The following MAST2 variants were observed in gnomAD, a reference collection of about 807,000 sequenced individuals.
MAST2 encodes the protein microtubule associated serine/threonine kinase 2.
A neutral mutation model predicts 147.4 loss-of-function variants in MAST2; 70 were observed. The ratio of observed to expected loss-of-function variants is 0.47; its 90% CI spans 0.39 to 0.58. The LOEUF (loss-of-function observed/expected upper bound fraction) is 0.58, where lower values mean the gene tolerates loss of function less well. MAST2 is among the 20% of genes least tolerant of loss of function. The pLI is 0.00. For synonymous variants in MAST2, 869 were observed against 896.8 expected (o/e 0.97, Z 0.55); for missense variants, 2,080 against 2,302.3 (o/e 0.90, Z 1.98).
intron 4 of MAST2, among the ~76,000 whole-genome samples, chr1:45,934,301 G>A (rs962919350): frequency 6.6e-6 from 1 of 152,160 alleles, no homozygotes; most frequent in Non-Finnish European, 1.5e-5. Flanking sequence ...TAGCTAACAC[G>A]GTGAAACCCC....
chr1:45,896,025 A>G (rs1466347609), intron 4 of MAST2, among the ~76,000 whole-genome samples: 1 of 148,810 alleles, frequency 6.7e-6, no homozygotes, highest in Admixed American at 6.9e-5. Flanking sequence ...ACTTTCTTGA[A>G]TGACTATATT....
intron 10 of MAST2, among the ~76,000 whole-genome samples, chr1:46,017,360 A>T (rs2149268217): frequency 6.6e-6 from 1 of 152,346 alleles, no homozygotes; most frequent in South Asian, 2.1e-4. Flanking sequence ...CTGCACAGCA[A>T]AAGAAACTAC....
chr1:46,027,043 G>T (rs1010847310), intron 16 of MAST2, among the ~76,000 whole-genome samples: 1 of 152,194 alleles, frequency 6.6e-6, no homozygotes, highest in Non-Finnish European at 1.5e-5. Context: ...CTGAGGAGGG[G>T]AACCAGTTGG....
intron 1 of MAST2, among the ~76,000 whole-genome samples, chr1:45,808,704 C>T (rs1644209573): frequency 6.6e-6 from 1 of 152,272 alleles, no homozygotes; most frequent in South Asian, 2.1e-4. Flanking sequence ...CTCTTAACCT[C>T]TAATATATTT....
chr1:45,930,040 A>G (rs967654405), intron 4 of MAST2, among the ~76,000 whole-genome samples: 6 of 152,198 alleles, frequency 3.9e-5, no homozygotes, highest in Middle Eastern at 3.2e-3. Flanking sequence ...AAAAAATGGT[A>G]TCTCAATGTA....
At position 46,035,413 on chromosome 1, in the gene MAST2, A is replaced by T; in HGVS notation, c.4744A>T (p.Arg1582Trp). 1.9e-6 allele frequency: 3 copies of T among 1,612,450 alleles called. No homozygotes were observed. The highest frequency in any genetic ancestry group is 2.5e-6 in the Non-Finnish European group (3 of 1,179,574). ...GGAAAGTCCCAGTGGTCCCCACAGGAGGCTCGGGAGCCCACAAGCCATTGA... is the reference window on the plus strand; with the variant it reads ...GGAAAGTCCCAGTGGTCCCCACAGGTGGCTCGGGAGCCCACAAGCCATTGA... ...RMESPSGPHRRLGSPQAIEEA... is the reference protein window; with the variant it reads ...RMESPSGPHRWLGSPQAIEEA... The change falls in exon 29 of 29, where the codon AGG (arginine) becomes TGG (tryptophan). Residue 1582 changes from arginine (R) to tryptophan (W), a missense_variant. By Grantham distance (101) the Arg-to-Trp change is moderately radical. Around this residue, in one of 4 missense-constraint regions of MAST2, gnomAD observed 1,278 missense variants for 1,304.2 expected, o/e 0.98. Coordinates refer to ENST00000361297, the MANE Select transcript of MAST2 (RefSeq NM_015112.3). The surrounding 1 kb of genome is among the most constrained non-coding windows in gnomAD (Gnocchi z 5.5).
chr1:45,862,319 G>C (rs1035120889), intron 3 of MAST2, among the ~76,000 whole-genome samples: 10 of 152,148 alleles, frequency 6.6e-5, no homozygotes, highest in African/African-American at 2.4e-4. Flanking sequence ...TTGAGGTGGG[G>C]AAAGATGGGG....
intron 1 of MAST2, among the ~76,000 whole-genome samples, chr1:45,818,494 ATTAT>A (rs1644523692): frequency 6.6e-6 from 1 of 152,130 alleles, no homozygotes; most frequent in African/African-American, 2.4e-5. Context: ...CAAAATGATG[ATTAT>A]TTGATTTTCA....
At position 45,840,032 on chromosome 1, in the gene MAST2, A is replaced by G. The variant is rs75548783; in HGVS notation, c.468+10451A>G. On this transcript the variant is annotated intron_variant, in intron 3 of 28. Transcript: ENST00000361297. ...CATAAAATGTGTAGAGGAAAACGAG[A>G]AAATTTTTGTGATTTTAGGTGGGGC... Among the ~76,000 whole-genome samples the G allele has an allele frequency of 3.0e-3, 461 of 152,358 alleles. 3 individuals carry two copies. Among genetic ancestry groups the G allele is most frequent in the East Asian group, 0.022 (115 of 5,188 alleles).
intron 9 of MAST2, 50 bp from the exon 10 acceptor site, chr1:46,010,680 A>G (rs1247917895): frequency 7.8e-6 from 12 of 1,544,088 alleles, no homozygotes; most frequent in African/African-American, 5.4e-5. Flanking sequence ...CTTAGCTCCA[A>G]CTGAGCTGGA....
chr1:45,875,716 G>C (rs1646577713), intron 3 of MAST2, among the ~76,000 whole-genome samples: 1 of 151,978 alleles, frequency 6.6e-6, no homozygotes, highest in African/African-American at 2.4e-5. Flanking sequence ...GAGAGTGAGA[G>C]AAAGTGAAAA....
intron 3 of MAST2, among the ~76,000 whole-genome samples, chr1:45,858,965 C>T (rs572856032): frequency 6.6e-6 from 1 of 152,230 alleles, no homozygotes; most frequent in East Asian, 1.9e-4. Flanking sequence ...TTCCATTGGT[C>T]TATATCTCTG....
chr1:45,940,407 G>A (rs2148794330), intron 4 of MAST2, among the ~76,000 whole-genome samples: 1 of 152,162 alleles, frequency 6.6e-6, no homozygotes, highest in Non-Finnish European at 1.5e-5. Context: ...GCTATTGTGA[G>A]TGGGGTTGCC....
At chr1:46,029,444 C>T (rs1285622140) in intron 18 of MAST2, 22 bp from the exon 19 acceptor site, 2 of 1,592,634 alleles carry the variant, frequency 1.3e-6, no homozygotes, top group Non-Finnish European at 1.7e-6. Context: ...TCTCCTTTCC[C>T]TCTCACCCCT....
chr1:46,019,549 C>T, intron 10 of MAST2, 47 bp from the exon 11 acceptor site: 1 of 1,519,756 alleles, frequency 6.6e-7, no homozygotes, highest in Non-Finnish European at 9.1e-7. Context: ...CTGCTTAGCC[C>T]AGCCACACTG....
intron 4 of MAST2, among the ~76,000 whole-genome samples, chr1:45,942,617 A>G (rs1301006603): frequency 3.9e-5 from 6 of 152,206 alleles, no homozygotes; most frequent in Non-Finnish European, 8.8e-5. Context: ...ACAAAGGATG[A>G]TTAATTGTGA....
At chr1:46,030,944 A>C in intron 22 of MAST2, 63 bp from the exon 23 acceptor site, 1 of 1,571,404 alleles carries the variant, frequency 6.4e-7, no homozygotes, top group Non-Finnish European at 8.7e-7. Context: ...TGTGCCCCTA[A>C]GGAGACCTGG....
intron 4 of MAST2, among the ~76,000 whole-genome samples, chr1:45,884,836 C>T (rs1647012696): frequency 6.6e-6 from 1 of 152,156 alleles, no homozygotes; most frequent in African/African-American, 2.4e-5. Context: ...GGAGCTCCCA[C>T]TTCTGGACCT....
intron 4 of MAST2, among the ~76,000 whole-genome samples, chr1:45,916,936 G>A (rs1255783410): frequency 1.3e-5 from 2 of 152,148 alleles, no homozygotes; most frequent in African/African-American, 4.8e-5. Flanking sequence ...AAATTAGCTG[G>A]GTGTGGTGGT....
Sources: allele counts gnomAD v4.1 joint callset (sites outside exome capture counted in the v4.1 genomes callset), GRCh38; gene constraint gnomAD v4.1.1; regional missense constraint gnomAD v4.1.1; non-coding constraint Gnocchi (gnomAD v3.1); transcripts MANE v1.5; gene names NCBI Gene and HGNC (gene_info 2026-07-23, HGNC 2026-07-21).